TCF4: variants seen among roughly 807,000 people sequenced by gnomAD.
TCF4 encodes SL3-3 enhancer factor 2.
A neutral mutation model predicts 82.1 loss-of-function variants in TCF4; 3 were observed. That is an observed-to-expected ratio of 0.04 (90% CI 0.02 to 0.09). The LOEUF is 0.09. TCF4 is among the 10% of genes least tolerant of loss of function. The pLI is 1.00. For missense variants in TCF4, 518 were observed against 852.7 expected, an observed-to-expected ratio of 0.61 and a Z score of 4.89; for synonymous variants, 276 against 309.6, an observed-to-expected ratio of 0.89 and a Z score of 1.14.
At chr18:55,592,392 A>G (rs553067636), upstream of TCF4, among the ~76,000 whole-genome samples, 66 of 152,208 alleles carry the variant, frequency 4.3e-4, no homozygotes, top group South Asian at 8.3e-4. Context: ...GCAAATGATT[A>G]CCTTCTCACT....
intron 2 of TCF4, among the ~76,000 whole-genome samples, chr18:55,603,804 A>G (rs181318486): frequency 2.0e-5 from 3 of 152,314 alleles, no homozygotes; most frequent in Non-Finnish European, 4.4e-5. Context: ...CACAGAGAGC[A>G]TGTCTCATTT....
chr18:55,488,172 C>T (rs2096537456), intron 3 of TCF4, among the ~76,000 whole-genome samples: 1 of 152,112 alleles, frequency 6.6e-6, no homozygotes, highest in South Asian at 2.1e-4. Context: ...TCATGAAAAT[C>T]CTTACTCCCT....
intron 8 of TCF4, among the ~76,000 whole-genome samples, chr18:55,311,043 C>T (rs1000002495): frequency 6.6e-6 from 1 of 152,050 alleles, no homozygotes; most frequent in Non-Finnish European, 1.5e-5. Flanking sequence ...ATATTTAATA[C>T]ACTATAAAAT....
At chr18:55,414,384 C>T (rs921548428) in intron 5 of TCF4, among the ~76,000 whole-genome samples, 1 of 151,840 alleles carries the variant, frequency 6.6e-6, no homozygotes, top group Non-Finnish European at 1.5e-5. Context: ...TCTTTGATCA[C>T]TCCACGGTTG....
At position 55,247,047 on chromosome 18, in the gene TCF4, G is replaced by A. The variant is rs2053476565; in HGVS notation, c.1350+7450C>T. The stretch of plus-strand genomic sequence containing the variant: ...GACAAGCCTCATTTCCTGCTTCACA[G>A]TGAGTGCTGCATGCCCGGCTTCTGT... On this transcript the variant is annotated intron_variant, in intron 15 of 19. Transcript: ENST00000354452. Among the ~76,000 whole-genome samples, 4 of 152,216 alleles carry A rather than the reference G, an allele frequency of 2.6e-5. No homozygotes were observed. In the South Asian group the frequency reaches 8.3e-4, roughly 32 times the overall value.
At chr18:55,421,680 C>T (rs187475490) in intron 5 of TCF4, among the ~76,000 whole-genome samples, 72 of 152,262 alleles carry the variant, frequency 4.7e-4, no homozygotes, top group African/African-American at 1.6e-3. Context: ...TCTGCCTCAG[C>T]AAAAAGACCA....
chr18:55,595,457 C>T (rs369945597), intron 2 of TCF4, among the ~76,000 whole-genome samples: 18 of 152,218 alleles, frequency 1.2e-4, no homozygotes, highest in Admixed American at 2.0e-4. Context: ...CAACACACTG[C>T]GTAGTGCATA....
chr18:55,607,837 TAAC>T (rs768735191), intron 2 of TCF4, among the ~76,000 whole-genome samples: 4 of 152,192 alleles, frequency 2.6e-5, no homozygotes, highest in African/African-American at 4.8e-5. Context: ...CAATGTGAGT[TAAC>T]AGCAGTGCAG....
intron 5 of TCF4, among the ~76,000 whole-genome samples, chr18:55,435,405 C>T (rs1035142377): frequency 6.6e-6 from 1 of 152,184 alleles, no homozygotes; most frequent in East Asian, 1.9e-4. Context: ...ATACTTCTGA[C>T]CCATTTTCAA....
chr18:55,320,744 C>G (rs1192460383), intron 8 of TCF4: 1 of 152,240 alleles, frequency 6.6e-6, no homozygotes, highest in Non-Finnish European at 1.5e-5. Flanking sequence ...CTGCTTTTCA[C>G]TTTTCTCTCA....
chr18:55,247,344 A>C (rs77109773), intron 15 of TCF4, among the ~76,000 whole-genome samples: 1 of 152,202 alleles, frequency 6.6e-6, no homozygotes, highest in African/African-American at 2.4e-5. Flanking sequence ...GAAACCATTA[A>C]ACAGGAATCA....
intron 2 of TCF4, among the ~76,000 whole-genome samples, chr18:55,603,437 T>C (rs1363506370): frequency 2.6e-5 from 4 of 152,212 alleles, no homozygotes; most frequent in African/African-American, 9.6e-5. Context: ...TTATAAATTA[T>C]GAATTGTTAC....
chr18:55,401,140 G>T, intron 6 of TCF4: 1 of 1,286,138 alleles, frequency 7.8e-7, no homozygotes, highest in African/African-American at 1.5e-5. Flanking sequence ...CGGCACAAGA[G>T]AAACTGATTC....
At chr18:55,511,759 G>A (rs896316739) in intron 3 of TCF4, among the ~76,000 whole-genome samples, 1 of 151,954 alleles carries the variant, frequency 6.6e-6, no homozygotes, top group African/African-American at 2.4e-5. Flanking sequence ...GACATAAAGG[G>A]AGAAAATTAT....
chr18:55,561,122 G>C (rs2097351522), intron 3 of TCF4, among the ~76,000 whole-genome samples: 1 of 152,188 alleles, frequency 6.6e-6, no homozygotes, highest in African/African-American at 2.4e-5. Flanking sequence ...CTCAGCTCAA[G>C]CTGCCTTTCA....
In TCF4 at chr18:55,271,097, C is replaced by T. The variant is rs74493147; in HGVS notation, c.790-1134G>A. On this transcript the variant is annotated intron_variant, in intron 10 of 19. Coordinates refer to ENST00000354452, the MANE Select transcript of TCF4 (RefSeq NM_001083962.2). ...AGCATTTGCTCACGAGGAATGAAAC[C>T]ATAGTCTCTTGAGTGTTGCCCTGTT... Among the ~76,000 whole-genome samples, 199 of 152,106 alleles carry T rather than the reference C, an allele frequency of 1.3e-3. 6 individuals carry two copies. The East Asian group carries it at 0.037, about 29-fold the overall frequency.
In TCF4 at chr18:55,288,637, T is replaced by C. The variant is rs142839474; in HGVS notation, c.550-8981A>G. Among the ~76,000 whole-genome samples the C allele has an allele frequency of 2.4e-3, 372 of 152,290 alleles. 2 individuals are homozygous for C. The highest frequency in any genetic ancestry group is 8.6e-3 in the African/African-American group (356 of 41,558). On this transcript the variant is annotated intron_variant, in intron 8 of 19. Transcript: ENST00000354452. ...CTGGCCATTTAGCAGCCTAGGGCTGTTTTGCCCGTAGAGAAGAACACAAGA... is the reference window on the plus strand; with the variant it reads ...CTGGCCATTTAGCAGCCTAGGGCTGCTTTGCCCGTAGAGAAGAACACAAGA...
intron 6 of TCF4, among the ~76,000 whole-genome samples, chr18:55,382,411 T>C (rs2092055020): frequency 6.6e-6 from 1 of 152,144 alleles, no homozygotes; most frequent in Non-Finnish European, 1.5e-5. Context: ...AAAAACATCA[T>C]TATCTATTTC....
intron 6 of TCF4, among the ~76,000 whole-genome samples, chr18:55,389,432 T>C (rs1241169640): frequency 1.3e-5 from 2 of 152,254 alleles, no homozygotes; most frequent in East Asian, 3.9e-4. Context: ...AAAGGCTTCC[T>C]GAGCACAGAA....
Sources: gnomAD v4.1 joint callset for allele counts (sites outside exome capture counted in the v4.1 genomes callset) on GRCh38, gnomAD v4.1.1 for gene constraint, MANE v1.5 for transcripts, NCBI Gene and HGNC (gene_info 2026-07-23, HGNC 2026-07-21) for gene names.